USP33: variants seen among roughly 807,000 people sequenced by gnomAD.
USP33 encodes the protein ubiquitin specific peptidase 33.
A neutral mutation model predicts 124.2 loss-of-function variants in USP33; 46 were observed. The ratio of observed to expected loss-of-function variants is 0.37; its 90% confidence interval spans 0.29 to 0.47. The LOEUF (loss-of-function observed/expected upper bound fraction) is 0.47. Ranked by LOEUF, USP33 falls within the 20% of genes least tolerant of loss-of-function variation. The pLI is 0.99. For missense variants in USP33, 851 were observed against 1,070.6 expected, an observed-to-expected ratio of 0.79 and a Z score of 2.86; for synonymous variants, 350 against 352.3, an observed-to-expected ratio of 0.99 and a Z score of 0.07.
At chr1:77,758,075 C>CCATAA (rs2101631551) in intron 1 of USP33, among the ~76,000 whole-genome samples, 2 of 151,910 alleles carry the variant, frequency 1.3e-5, no homozygotes, top group South Asian at 4.2e-4. Context: ...GTGAAACTGG[C>CCATAA]CATAAACCAG....
At chr1:77,721,778 T>C in intron 14 of USP33, 53 bp downstream of exon 14, 1 of 1,478,610 alleles carries the variant, frequency 6.8e-7, no homozygotes, top group Admixed American at 2.1e-5. Flanking sequence ...TTAGTCCCAC[T>C]AGTATTTTAG....
intron 1 of USP33, 46 bp from the exon 2 acceptor site, chr1:77,741,794 A>G (rs1234297658): frequency 3.3e-5 from 50 of 1,501,056 alleles, no homozygotes; most frequent in Non-Finnish European, 4.4e-5. Context: ...AATGCTTACA[A>G]TGCCTGCAAA....
chr1:77,752,390 C>T (rs538881709), intron 1 of USP33, among the ~76,000 whole-genome samples: 70 of 152,190 alleles, frequency 4.6e-4, no homozygotes, highest in African/African-American at 1.7e-3. Flanking sequence ...CCACCCACCT[C>T]GGCCTCCCAA....
intron 1 of USP33, among the ~76,000 whole-genome samples, chr1:77,749,405 G>A (rs777794955): frequency 1.2e-4 from 18 of 150,422 alleles, no homozygotes; most frequent in African/African-American, 3.9e-4. Context: ...TTTTGGAGAC[G>A]GAGTCTCGCT....
intron 21 of USP33, among the ~76,000 whole-genome samples, chr1:77,704,189 C>T (rs1394482148): frequency 1.3e-5 from 2 of 151,594 alleles, no homozygotes; most frequent in African/African-American, 4.8e-5. Context: ...CTTTCTGGGA[C>T]ACAAGGTAGC....
chr1:77,731,424 A>C (rs1046409658), intron 7 of USP33, among the ~76,000 whole-genome samples: 1 of 152,186 alleles, frequency 6.6e-6, no homozygotes, highest in African/African-American at 2.4e-5. Flanking sequence ...GAATCTCCAT[A>C]AATCTATTTA....
intron 1 of USP33, among the ~76,000 whole-genome samples, chr1:77,749,387 GTT>G (rs61184612): frequency 2.8e-5 from 4 of 143,918 alleles, no homozygotes; most frequent in African/African-American, 7.5e-5. Flanking sequence ...TGTTTTGTTT[GTT>G]TTTTTTTTTG....
At chr1:77,725,192 A>G (rs1677022103) in intron 11 of USP33, among the ~76,000 whole-genome samples, 1 of 152,214 alleles carries the variant, frequency 6.6e-6, no homozygotes, top group African/African-American at 2.4e-5. Context: ...AAATCAAAAG[A>G]CTACATACTA....
intron 21 of USP33, 90 bp downstream of exon 21, chr1:77,711,657 T>A (rs1417372772): frequency 1.3e-6 from 2 of 1,532,614 alleles, no homozygotes; most frequent in Admixed American, 4.5e-5. Flanking sequence ...AACTCTTTCA[T>A]CTAATCATTT....
rs983718923 is a variant in USP33 at position 77,696,588 on chromosome 1, T to C, written c.*729A>G. On this transcript the variant is annotated 3_prime_UTR_variant, in exon 24 of 24. Coordinates refer to ENST00000370794, the MANE Select transcript of USP33 (RefSeq NM_201624.3). ...TCAACTTAAAATAGGCTCTTTATTA[T>C]ATGAAGCCATGACAAAACTATACAA... is the stretch of plus-strand genomic sequence containing the variant. 6.6e-6 allele frequency: 1 copy of C among 152,360 alleles called. No homozygotes were observed. The highest frequency in any genetic ancestry group is 2.4e-5 in the African/African-American group (1 of 41,454). 9.4% of individuals were successfully genotyped at this position (152,360 alleles called of 1,614,324 possible).
intron 9 of USP33, among the ~76,000 whole-genome samples, chr1:77,729,158 G>A (rs918021806): frequency 3.9e-5 from 6 of 152,066 alleles, no homozygotes; most frequent in African/African-American, 9.7e-5. Context: ...CGCCTACCTC[G>A]GCCTTCTGAA....
intron 18 of USP33, among the ~76,000 whole-genome samples, chr1:77,715,125 CT>C (rs1226585565): frequency 6.6e-6 from 1 of 151,982 alleles, no homozygotes; most frequent in Non-Finnish European, 1.5e-5. Flanking sequence ...TATAGTAATA[CT>C]TTCATTATTA....
At position 77,728,642 on chromosome 1, in the gene USP33, A is replaced by G. The variant is rs766154192; in HGVS notation, c.788T>C (p.Val263Ala). The change falls in exon 10 of 24, where the codon GTA becomes GCA. Residue 263 changes from valine to alanine, a missense_variant. Val to Ala is a moderately conservative substitution (Grantham distance 64, BLOSUM62 0). Coordinates refer to ENST00000370794, the MANE Select transcript of USP33 (RefSeq NM_201624.3). Reference protein sequence around the residue: ...HEELKEQVMEVEEDPQTITTE... With the variant: ...HEELKEQVMEAEEDPQTITTE... ...GGTTATGGTTTGCGGATCTTCTTCT[A>G]CTTCCATGACTTGCTCTTTCAATTC... The G allele has an allele frequency of 1.2e-6, 2 of 1,613,988 alleles. No homozygotes were observed. Among genetic ancestry groups the G allele is most frequent in the Middle Eastern group, 1.7e-4 (1 of 6,060 alleles).
rs1440086435 is a variant in USP33, at chr1:77,736,117, C to A, written c.393G>T (p.Leu131=). The A allele has an allele frequency of 6.2e-7, 1 of 1,613,358 alleles. No individual in the cohort carries two copies. Among genetic ancestry groups the A allele is most frequent in the Non-Finnish European group, 8.5e-7 (1 of 1,179,680 alleles). Residue 131 remains leucine (L), a synonymous_variant, in exon 6 of 24, where the codon CTG becomes CTT. Transcript: ENST00000370794. ...IPSNTTLKTP[L]VAVFDDLDIE... is the part of the protein sequence containing the mutation. ...TATCCAGATCATCAAATACGGCAAC[C>A]AGAGGAGTTTTTAATGTTGTATTAC...
intron 21 of USP33, 70 bp from the exon 22 acceptor site, chr1:77,701,541 C>T: frequency 7.9e-7 from 1 of 1,268,230 alleles, no homozygotes. Context: ...TACCATCATT[C>T]CACTTCAGTG....
chr1:77,708,069 C>T (rs574986633), intron 21 of USP33, among the ~76,000 whole-genome samples: 2 of 152,310 alleles, frequency 1.3e-5, no homozygotes, highest in African/African-American at 4.8e-5. Context: ...AGTTGTATTA[C>T]ATCAGGCAGA....
At chr1:77,733,514 T>G (rs1168457055) in intron 7 of USP33, among the ~76,000 whole-genome samples, 4 of 152,150 alleles carry the variant, frequency 2.6e-5, no homozygotes, top group African/African-American at 9.7e-5. Context: ...GGCAAAATAT[T>G]TATGGAGGGT....
chr1:77,745,188 C>T (rs1214229675), intron 1 of USP33, among the ~76,000 whole-genome samples: 1 of 152,162 alleles, frequency 6.6e-6, no homozygotes. Context: ...TTGCCTTCTT[C>T]ATCTCTTTTG....
intron 1 of USP33, among the ~76,000 whole-genome samples, chr1:77,748,043 T>C (rs1461756893): frequency 6.6e-6 from 1 of 152,224 alleles, no homozygotes; most frequent in Non-Finnish European, 1.5e-5. Context: ...ACTAATCCTT[T>C]TCATGGTTTC....
Sources: gnomAD v4.1 joint callset for allele counts (sites outside exome capture counted in the v4.1 genomes callset) on GRCh38, gnomAD v4.1.1 for gene constraint, MANE v1.5 for transcripts, NCBI Gene and HGNC (gene_info 2026-07-23, HGNC 2026-07-21) for gene names.